TEX15: variants seen among roughly 807,000 people sequenced by gnomAD.
TEX15 encodes the protein testis-expressed protein 15.
Under a neutral mutation model 237.3 loss-of-function variants are expected in TEX15, and 171 were observed. The observed-to-expected ratio is 0.72, with a 90% CI of 0.64 to 0.82. The LOEUF is 0.82. Ranked by LOEUF, TEX15 falls within the 40% of genes least tolerant of loss-of-function variation. The probability of loss-of-function intolerance (pLI) is 0.00; values close to 1 mark genes in which losing one functional copy is unlikely to be tolerated. For missense variants in TEX15, 3,750 were observed against 3,646.5 expected (o/e 1.03, Z -0.73); for synonymous variants, 1,338 against 1,269.8 (o/e 1.05, Z -1.14).
At position 30,831,629 on chromosome 8, in the gene TEX15, G is replaced by C. The variant is rs1226398324; in HGVS notation, c.*1657C>G. On this transcript the variant is annotated 3_prime_UTR_variant, in exon 11 of 11. Coordinates refer to ENST00000643185, the MANE Select transcript of TEX15 (RefSeq NM_001350162.2). Reference sequence around the variant, plus strand: ...ACTGAATATTTAGGTAAGTCTTTAAGAGAAATTAAAACCCATGAAATAAAA... The same window carrying C: ...ACTGAATATTTAGGTAAGTCTTTAACAGAAATTAAAACCCATGAAATAAAA... The C allele has an allele frequency of 6.6e-6, 1 of 152,040 alleles. No homozygotes were observed. Among genetic ancestry groups the C allele is most frequent in the African/African-American group, 2.4e-5 (1 of 41,388 alleles). The allele number at this position is 152,040 out of a possible 1,614,324, so 9.4% of individuals were successfully genotyped here. A position where few individuals can be genotyped will look rare whatever the true frequency, so the allele number is the denominator to read the frequency against.
rs1164594718 is a variant in TEX15, at chr8:30,881,610, C to CTTTTTTTTTTTTTTTT, written c.136+5556_136+5557insAAAAAAAAAAAAAAAA. Among the ~76,000 whole-genome samples, 24 of 109,460 alleles carry CTTTTTTTTTTTTTTTT rather than the reference C, an allele frequency of 2.2e-4. 5 individuals carry two copies. Among genetic ancestry groups the CTTTTTTTTTTTTTTTT allele is most frequent in the Admixed American group, 9.2e-4 (10 of 10,910 alleles). The allele number at this position is 109,460 out of a possible 152,430, so 71.8% of individuals were successfully genotyped here. On this transcript the variant is annotated intron_variant, in intron 3 of 10. Coordinates refer to ENST00000643185, the MANE Select transcript of TEX15 (RefSeq NM_001350162.2). ...TTCATTAATTATCCTTCCATCTTGA[C>CTTTTTTTTTTTTTTTT]TTTTTATTTTTTTTTATTATTTTTT...
chr8:30,859,968 C>A lies in TEX15; in HGVS notation c.630G>T (p.Met210Ile). 6.6e-7 allele frequency: 1 copy of A among 1,518,390 alleles called. No homozygotes were observed. The highest frequency in any genetic ancestry group is 8.8e-7 in the Non-Finnish European group (1 of 1,140,580). 94.1% of individuals were successfully genotyped at this position (1,518,390 alleles called of 1,614,324 possible). Residue 210 changes from methionine (M) to isoleucine (I), a missense_variant, in exon 6 of 11, where the codon ATG becomes ATT. Met to Ile is a conservative substitution (Grantham distance 10, BLOSUM62 1). Coordinates refer to ENST00000643185, the MANE Select transcript of TEX15 (RefSeq NM_001350162.2). ...CTTTCAAAGAAGGTGCATTTCTTGA[C>A]ATATGGCAATCAAAGTTAGGAGAAG... ...LDPSPNFDCH[M>I]SRNAPSLKDT...
chr8:30,906,486 A>T (rs1298304169), intron 1 of TEX15, among the ~76,000 whole-genome samples: 6 of 151,220 alleles, frequency 4.0e-5, no homozygotes. Flanking sequence ...GCTACTCAGG[A>T]GGCTGAGGCA....
intron 1 of TEX15, among the ~76,000 whole-genome samples, chr8:30,902,278 A>G (rs1433134664): frequency 3.6e-5 from 5 of 140,460 alleles, no homozygotes; most frequent in Non-Finnish European, 6.1e-5. Context: ...CAGAGTCACT[A>G]TTAGGAAAAA....
Position 30,845,225 on chromosome 8 carries a change from C to G in TEX15, c.4942G>C (p.Asp1648His), listed in dbSNP as rs1400252892. ...GAATCTAAGACTGATATAAGTACGT[C>G]AGTTTTCGCCTTTGTGTGACCTATG... ...TCIGHTKAKT[D>H]VLISVLDSNV... The change falls in exon 8 of 11, where the codon GAC becomes CAC. Residue 1648 changes from aspartate (D) to histidine (H), a missense_variant. Asp to His is a moderately conservative substitution (Grantham distance 81). Transcript: ENST00000643185. 1 of 1,613,584 alleles carries G rather than the reference C, an allele frequency of 6.2e-7. No individual in the cohort carries two copies. The highest frequency in any genetic ancestry group is 2.2e-5 in the East Asian group (1 of 44,872).
At chr8:30,884,341 C>T (rs1003277184) in intron 3 of TEX15, among the ~76,000 whole-genome samples, 2 of 152,124 alleles carry the variant, frequency 1.3e-5, no homozygotes, top group African/African-American at 4.8e-5. Flanking sequence ...AAATAATGCT[C>T]CTCTAAAAGC....
At chr8:30,859,556 G>C (rs1282064869) in intron 6 of TEX15, among the ~76,000 whole-genome samples, 3 of 152,082 alleles carry the variant, frequency 2.0e-5, no homozygotes, top group East Asian at 1.9e-4. Flanking sequence ...TTTATGGTGA[G>C]ACATTGGAAA....
In TEX15 at chr8:30,848,649, T is replaced by C. The variant is rs1285251042; in HGVS notation, c.1518A>G (p.Ser506=). The C allele has an allele frequency of 6.2e-7, 1 of 1,614,154 alleles. No individual in the cohort carries two copies. The highest frequency in any genetic ancestry group is 1.7e-5 in the Admixed American group (1 of 60,014). ...AGCCCATGTTGTGAGCCCAAGATTG[T>C]GAATCATTAACAGAAGTTTTAAAGC... The part of the protein sequence containing the change: ...TPCFKTSVND[S]QSWAHNMGSE... Residue 506 remains serine, a synonymous_variant, in exon 8 of 11, where the codon TCA becomes TCG. Coordinates refer to ENST00000643185, the MANE Select transcript of TEX15 (RefSeq NM_001350162.2).
chr8:30,895,675 G>GTTT (rs1563276129), intron 2 of TEX15, among the ~76,000 whole-genome samples: 1 of 76,970 alleles, frequency 1.3e-5, no homozygotes. Flanking sequence ...TTAAACACAT[G>GTTT]CTTTTTTTTT....
intron 3 of TEX15, among the ~76,000 whole-genome samples, chr8:30,876,008 G>T (rs1370764385): frequency 7.9e-5 from 12 of 151,940 alleles, no homozygotes; most frequent in Admixed American, 7.2e-4. Flanking sequence ...TAGAGATGGG[G>T]TCGCTATGTT....
intron 1 of TEX15, among the ~76,000 whole-genome samples, chr8:30,899,260 T>G (rs1808963502): frequency 6.6e-6 from 1 of 152,204 alleles, no homozygotes. Flanking sequence ...ATAGGTAGCT[T>G]ACATACAGTA....
intron 3 of TEX15, among the ~76,000 whole-genome samples, chr8:30,884,245 A>G (rs1166214778): frequency 6.6e-6 from 1 of 152,068 alleles, no homozygotes; most frequent in East Asian, 1.9e-4. Context: ...CGTGGTTTTG[A>G]TTTGTATTTC....
rs1360205330 is a variant in TEX15 at position 30,834,093 on chromosome 8, C to T, written c.9482-770G>A. Among the ~76,000 whole-genome samples, 4 of 152,102 alleles carry T rather than the reference C, an allele frequency of 2.6e-5. No homozygotes were observed. In the East Asian group the frequency reaches 7.7e-4, roughly 29 times the overall value. On this transcript the variant is annotated intron_variant, in intron 10 of 10. Transcript: ENST00000643185. ...CCCATCTACTATGCTTGGTGTTTAT[C>T]ATTACAGCATCAGCAATGATACCAA...
At chr8:30,857,199 G>C (rs926328353) in intron 7 of TEX15, among the ~76,000 whole-genome samples, 1 of 152,146 alleles carries the variant, frequency 6.6e-6, no homozygotes, top group African/African-American at 2.4e-5. Context: ...GGGAAAAATG[G>C]ATTCTCCAAT....
At chr8:30,860,713 C>A (rs913822560) in intron 5 of TEX15, among the ~76,000 whole-genome samples, 6 of 151,740 alleles carry the variant, frequency 4.0e-5, no homozygotes, top group African/African-American at 1.2e-4. Flanking sequence ...ACATGCCCAG[C>A]TAATTTTTGT....
chr8:30,900,092 A>G (rs775536527), intron 1 of TEX15, among the ~76,000 whole-genome samples: 2 of 152,224 alleles, frequency 1.3e-5, no homozygotes, highest in Non-Finnish European at 2.9e-5. Flanking sequence ...GTCAAAAGCT[A>G]TTTAAAGCTG....
At chr8:30,850,491 TA>T (rs1464711153) in intron 7 of TEX15, among the ~76,000 whole-genome samples, 1 of 152,184 alleles carries the variant, frequency 6.6e-6, no homozygotes, top group Non-Finnish European at 1.5e-5. Context: ...ACAAGTACCA[TA>T]AGGTTCTTTT....
chr8:30,868,751 A>G (rs1170864279), intron 4 of TEX15, among the ~76,000 whole-genome samples: 10 of 152,052 alleles, frequency 6.6e-5, no homozygotes, highest in Non-Finnish European at 1.5e-4. Flanking sequence ...TAAGATTCTT[A>G]CACTATACAT....
chr8:30,870,794 C>T (rs1388442111), intron 4 of TEX15, among the ~76,000 whole-genome samples: 2 of 152,052 alleles, frequency 1.3e-5, no homozygotes, highest in Non-Finnish European at 2.9e-5. Flanking sequence ...AACAAATTCT[C>T]ACAAACTTAA....
Sources: allele counts gnomAD v4.1 joint callset (sites outside exome capture counted in the v4.1 genomes callset), GRCh38; gene constraint gnomAD v4.1.1; transcripts MANE v1.5; gene names NCBI Gene and HGNC (gene_info 2026-07-23, HGNC 2026-07-21).